Variants in SPIN1 observed in about 807,000 individuals in gnomAD.
SPIN1 encodes the protein spindlin 1, also known as spindlin-1.
A neutral mutation model predicts 26.0 loss-of-function variants in SPIN1; 3 were observed. The observed-to-expected ratio is 0.12, with a 90% confidence interval of 0.05 to 0.30. The LOEUF is 0.30. Among genes scored for constraint, SPIN1 ranks in the 10% least tolerant of loss-of-function variants. The pLI is 1.00. For missense variants in SPIN1, 126 were observed against 333.4 expected, an observed-to-expected ratio of 0.38 and a Z score of 4.84; for synonymous variants, 101 against 116.5, an observed-to-expected ratio of 0.87 and a Z score of 0.86.
At chr9:88,459,336 C>T (rs941396056) in intron 3 of SPIN1, among the ~76,000 whole-genome samples, 2 of 152,084 alleles carry the variant, frequency 1.3e-5, no homozygotes, top group African/African-American at 4.8e-5. Flanking sequence ...GCTGTTTTCC[C>T]GTAGAGGCCA....
chr9:88,441,428 C>T (rs952854379), intron 2 of SPIN1, among the ~76,000 whole-genome samples: 2 of 91,774 alleles, frequency 2.2e-5, no homozygotes, highest in African/African-American at 2.7e-4. Context: ...CGCGCGCGCG[C>T]CCATGTGTGT....
intron 1 of SPIN1, among the ~76,000 whole-genome samples, chr9:88,406,959 C>T (rs1188080459): frequency 6.6e-6 from 1 of 151,862 alleles, no homozygotes; most frequent in East Asian, 1.9e-4. Context: ...TTTGTATTTT[C>T]AATAGCCATT....
intron 1 of SPIN1, among the ~76,000 whole-genome samples, chr9:88,425,186 A>G (rs899694239): frequency 3.9e-5 from 6 of 152,056 alleles, no homozygotes; most frequent in African/African-American, 1.4e-4. Flanking sequence ...GGCCCATTAG[A>G]TAGGTCTGAG....
intron 2 of SPIN1, among the ~76,000 whole-genome samples, chr9:88,447,877 G>C (rs781141087): frequency 6.6e-6 from 1 of 152,114 alleles, no homozygotes; most frequent in Non-Finnish European, 1.5e-5. Flanking sequence ...CAGGGTTCTC[G>C]TGTGTGTTTT....
At chr9:88,429,890 C>T (rs1827832615) in intron 2 of SPIN1, among the ~76,000 whole-genome samples, 1 of 152,166 alleles carries the variant, frequency 6.6e-6, no homozygotes, top group South Asian at 2.1e-4. Context: ...ACACTTACCA[C>T]TCCAGAGTTT....
At chr9:88,459,217 T>G (rs1335484121) in intron 3 of SPIN1, among the ~76,000 whole-genome samples, 6 of 152,190 alleles carry the variant, frequency 3.9e-5, no homozygotes, top group Non-Finnish European at 8.8e-5. Context: ...CATTGGATCT[T>G]TGGCTTAGAA....
At chr9:88,411,155 G>C in intron 1 of SPIN1, 2 of 1,473,540 alleles carry the variant, frequency 1.4e-6, no homozygotes, top group Non-Finnish European at 1.9e-6. Context: ...CTTTTTCACA[G>C]TTAAGTGGGC....
Position 88,478,346 on chromosome 9 carries a change from GACAAA to G in SPIN1, c.*3073_*3077del, listed in dbSNP as rs1828923407. On this transcript the variant is annotated 3_prime_UTR_variant, in exon 6 of 6. Transcript: ENST00000375859. ...CTTAACAAAATGAAAGTTCTCCAAA[GACAAA>G]ACAGAACAATTATTATAACAAAATA... 1 of 152,576 alleles carries G rather than the reference GACAAA, an allele frequency of 6.6e-6. No homozygotes were observed. The highest frequency in any genetic ancestry group is 1.5e-5 in the Non-Finnish European group (1 of 68,026). The allele number at this position is 152,576 out of a possible 1,614,324, so 9.5% of individuals were successfully genotyped here.
intron 1 of SPIN1, among the ~76,000 whole-genome samples, chr9:88,420,395 AAAAC>A (rs939735501): frequency 1.3e-5 from 2 of 152,200 alleles, no homozygotes; most frequent in African/African-American, 4.8e-5. Context: ...AAACAGAAAC[AAAAC>A]AAAAGAGTTT....
rs186040759 is a variant in SPIN1 at position 88,433,557 on chromosome 9, C to G, written c.52+6966C>G. ...GCAAGCTGTCTGTGAGGAAATGGCT[C>G]TTGTTGCCTGGACTTCTCCTGCCTT... On this transcript the variant is annotated intron_variant, in intron 2 of 5. Transcript: ENST00000375859. Among the ~76,000 whole-genome samples the G allele has an allele frequency of 5.8e-4, 88 of 152,290 alleles. 1 individual carries two copies. In the Middle Eastern group the frequency reaches 0.01, roughly 18 times the overall value.
At chr9:88,430,546 A>G (rs1187660017) in intron 2 of SPIN1, among the ~76,000 whole-genome samples, 1 of 152,204 alleles carries the variant, frequency 6.6e-6, no homozygotes, top group Non-Finnish European at 1.5e-5. Context: ...TGGTAAATAG[A>G]TTGGGTAGGC....
At chr9:88,473,686 T>C (rs1402132030) in intron 5 of SPIN1, among the ~76,000 whole-genome samples, 1 of 151,414 alleles carries the variant, frequency 6.6e-6, no homozygotes, top group Non-Finnish European at 1.5e-5. Context: ...GCTTATTACC[T>C]TTAGAAACAG....
At chr9:88,447,290 ATATT>A (rs1216455573) in intron 2 of SPIN1, among the ~76,000 whole-genome samples, 1 of 151,900 alleles carries the variant, frequency 6.6e-6, no homozygotes, top group African/African-American at 2.4e-5. Flanking sequence ...ATATTTTAAC[ATATT>A]TATTAATGTT....
At chr9:88,449,016 A>G in intron 3 of SPIN1, 27 bp downstream of exon 3, 1 of 1,610,674 alleles carries the variant, frequency 6.2e-7, no homozygotes, top group Non-Finnish European at 8.5e-7. Context: ...CTGGTTCTAG[A>G]TAGTGTTTTG....
rs926354669 is a variant in SPIN1, at chr9:88,476,833, C to G, written c.*1556C>G. ...TTGGAAATCCTCCCTGATATTTGGG[C>G]AGAGCCTAAACGTGCATGCTTGTCA... is the stretch of plus-strand genomic sequence containing the variant. On this transcript the variant is annotated 3_prime_UTR_variant, in exon 6 of 6. Coordinates refer to ENST00000375859, the MANE Select transcript of SPIN1 (RefSeq NM_006717.3). 2.0e-5 allele frequency: 3 copies of G among 152,164 alleles called. No homozygotes were observed. The highest frequency in any genetic ancestry group is 4.8e-5 in the African/African-American group (2 of 41,436). 9.4% of individuals were successfully genotyped at this position (152,164 alleles called of 1,614,324 possible). A position where few individuals can be genotyped will look rare whatever the true frequency, so the allele number is the denominator to read the frequency against.
intron 1 of SPIN1, among the ~76,000 whole-genome samples, chr9:88,408,731 T>C (rs1827366763): frequency 6.9e-6 from 1 of 145,298 alleles, no homozygotes; most frequent in African/African-American, 2.6e-5. Context: ...TGGAGTGCAA[T>C]GGCGCGATCT....
chr9:88,445,301 G>C (rs998432765), intron 2 of SPIN1, among the ~76,000 whole-genome samples: 3 of 151,804 alleles, frequency 2.0e-5, no homozygotes, highest in African/African-American at 7.3e-5. Flanking sequence ...CCTGCTTCCT[G>C]TCTGTGTCTT....
At chr9:88,410,562 G>T in intron 1 of SPIN1, 1 of 826,778 alleles carries the variant, frequency 1.2e-6, no homozygotes, top group Non-Finnish European at 2.1e-6. Flanking sequence ...AGCTACTGCT[G>T]CTACTGGAAC....
chr9:88,456,393 TGGTGC>T (rs776008159), intron 3 of SPIN1, among the ~76,000 whole-genome samples: 3 of 152,184 alleles, frequency 2.0e-5, no homozygotes, highest in Non-Finnish European at 4.4e-5. Flanking sequence ...TGAGGAACTC[TGGTGC>T]CAACAAGTAA....
Sources: allele counts gnomAD v4.1 joint callset (sites outside exome capture counted in the v4.1 genomes callset), GRCh38; gene constraint gnomAD v4.1.1; transcripts MANE v1.5; gene names NCBI Gene and HGNC (gene_info 2026-07-23, HGNC 2026-07-21).